STK33: variants seen among roughly 807,000 people sequenced by gnomAD.
STK33 encodes serine/threonine-protein kinase 33.
A neutral mutation model predicts 58.0 loss-of-function variants in STK33; 52 were observed. The ratio of observed to expected loss-of-function variants is 0.90; its 90% CI spans 0.72 to 1.13. The LOEUF (loss-of-function observed/expected upper bound fraction) is 1.13. Ranked by LOEUF, STK33 falls within the 50% of genes most tolerant of loss-of-function variation. The pLI, the probability that STK33 is intolerant of heterozygous loss-of-function variation, is 0.00. For synonymous variants in STK33, 215 were observed against 200.1 expected (o/e 1.07, Z -0.63); for missense variants, 630 against 604.2 (o/e 1.04, Z -0.45).
intron 1 of STK33, among the ~76,000 whole-genome samples, chr11:8,490,388 C>T (rs180754911): frequency 2.6e-5 from 4 of 152,168 alleles, no homozygotes; most frequent in Non-Finnish European, 5.9e-5. Flanking sequence ...ATTGCTGAGG[C>T]TTGAGTAGGT....
chr11:8,484,941 T>G (rs1209428035), intron 1 of STK33, among the ~76,000 whole-genome samples: 3 of 152,180 alleles, frequency 2.0e-5, no homozygotes, highest in Admixed American at 6.5e-5. Flanking sequence ...TAAAGGCAAC[T>G]GAGAAGAGAG....
At chr11:8,582,631 GATTATGGGGATTATGGGA>G (rs2030594620) in intron 1 of STK33, among the ~76,000 whole-genome samples, 2 of 152,150 alleles carry the variant, frequency 1.3e-5, no homozygotes, top group Admixed American at 1.3e-4. Context: ...GATACGTGGG[GATTATGGGGATTATGGGA>G]ATTACAATTC....
chr11:8,453,836 G>A (rs1375051005), intron 10 of STK33, among the ~76,000 whole-genome samples: 1 of 152,138 alleles, frequency 6.6e-6, no homozygotes, highest in Non-Finnish European at 1.5e-5. Flanking sequence ...TTCTCCATTA[G>A]TTTTCACAAA....
At chr11:8,375,574 C>T in the STK33 span, among the ~76,000 whole-genome samples, 2 of 152,218 alleles carry the variant, frequency 1.3e-5, no homozygotes, top group Non-Finnish European at 2.9e-5. Context: ...GTAGGCAGTT[C>T]ACACACGGTG....
chr11:8,543,089 A>G (rs1221049626), intron 1 of STK33, among the ~76,000 whole-genome samples: 2 of 152,118 alleles, frequency 1.3e-5, no homozygotes, highest in Non-Finnish European at 2.9e-5. Flanking sequence ...TGTTCTCCAA[A>G]TATGTATCTA....
chr11:8,361,919 A>G, the STK33 span, among the ~76,000 whole-genome samples: 3 of 152,066 alleles, frequency 2.0e-5, no homozygotes, highest in Admixed American at 6.6e-5. The surrounding 1 kb of genome is among the most constrained non-coding windows in gnomAD (Gnocchi z 4.8). Context: ...ACCCTCTCAC[A>G]TGCCTGCTTG....
At chr11:8,558,744 G>A (rs1404638068) in intron 1 of STK33, among the ~76,000 whole-genome samples, 1 of 152,194 alleles carries the variant, frequency 6.6e-6, no homozygotes, top group Admixed American at 6.5e-5. Context: ...TGTATTCTGT[G>A]TTCACCTGGT....
At chr11:8,544,964 C>T (rs1031192793) in intron 1 of STK33, among the ~76,000 whole-genome samples, 2 of 152,162 alleles carry the variant, frequency 1.3e-5, no homozygotes, top group African/African-American at 4.8e-5. Context: ...TCAGCTAAAA[C>T]CATGACACGG....
At chr11:8,535,488 C>A (rs769356494) in intron 1 of STK33, among the ~76,000 whole-genome samples, 1 of 152,034 alleles carries the variant, frequency 6.6e-6, no homozygotes, top group Non-Finnish European at 1.5e-5. Flanking sequence ...GAAAAAAATG[C>A]TCAATATCAC....
At chr11:8,460,521 T>TA (rs368382362) in intron 8 of STK33, among the ~76,000 whole-genome samples, 1 of 151,908 alleles carries the variant, frequency 6.6e-6, no homozygotes, top group East Asian at 1.9e-4. Context: ...AAAAATGATT[T>TA]AAAAAATGAA....
intron 1 of STK33, among the ~76,000 whole-genome samples, chr11:8,540,033 T>C (rs1003886579): frequency 1.3e-5 from 2 of 152,102 alleles, no homozygotes; most frequent in Non-Finnish European, 2.9e-5. Context: ...AGAACTATCA[T>C]ACAACCCAGC....
chr11:8,565,356 G>C (rs955545318), intron 1 of STK33, among the ~76,000 whole-genome samples: 8 of 152,296 alleles, frequency 5.3e-5, no homozygotes, highest in Non-Finnish European at 1.2e-4. Context: ...TTTACCCATG[G>C]GGTTAATTTC....
intron 10 of STK33, among the ~76,000 whole-genome samples, chr11:8,453,454 A>G (rs1263371278): frequency 6.6e-6 from 1 of 152,182 alleles, no homozygotes; most frequent in African/African-American, 2.4e-5. Context: ...TCTAGAGTAT[A>G]CTAATTAAAA....
At chr11:8,559,450 G>A (rs1248346914) in intron 1 of STK33, among the ~76,000 whole-genome samples, 1 of 152,120 alleles carries the variant, frequency 6.6e-6, no homozygotes, top group Non-Finnish European at 1.5e-5. Flanking sequence ...TAACCTCTAG[G>A]AGAAATGTCT....
At chr11:8,385,067 A>G in the STK33 span, among the ~76,000 whole-genome samples, 1 of 152,198 alleles carries the variant, frequency 6.6e-6, no homozygotes, top group Non-Finnish European at 1.5e-5. Flanking sequence ...AGCCAAAGTC[A>G]TCCCTGGCCT....
At chr11:8,345,054 CAG>C in the STK33 span, among the ~76,000 whole-genome samples, 1 of 152,212 alleles carries the variant, frequency 6.6e-6, no homozygotes, top group African/African-American at 2.4e-5. Flanking sequence ...TACCCCAGGA[CAG>C]TTCTTCCCCT....
At chr11:8,521,817 G>C (rs920718860) in intron 1 of STK33, among the ~76,000 whole-genome samples, 1 of 152,024 alleles carries the variant, frequency 6.6e-6, no homozygotes, top group Non-Finnish European at 1.5e-5. Flanking sequence ...GTGGGTGAAG[G>C]ACATGAACAG....
At chr11:8,585,073 C>A (rs374057555) in intron 1 of STK33, among the ~76,000 whole-genome samples, 53 of 151,890 alleles carry the variant, frequency 3.5e-4, no homozygotes, top group East Asian at 2.1e-3. Context: ...CACGCATGCA[C>A]CACCAAGCTC....
chr11:8,403,768 A>C (rs1411736009), intron 15 of STK33, among the ~76,000 whole-genome samples: 2 of 152,174 alleles, frequency 1.3e-5, no homozygotes, highest in South Asian at 4.1e-4. Context: ...GCAAGGGGAG[A>C]TATGTAACAG....
Sources: gnomAD v4.1 joint callset for allele counts (sites outside exome capture counted in the v4.1 genomes callset) on GRCh38, gnomAD v4.1.1 for gene constraint, Gnocchi (gnomAD v3.1) non-coding constraint, MANE v1.5 for transcripts, NCBI Gene and HGNC (gene_info 2026-07-23, HGNC 2026-07-21) for gene names.